LPXN: variants seen among roughly 807,000 people sequenced by gnomAD.
LPXN encodes the protein leupaxin.
In LPXN, 28 loss-of-function variants were observed where a neutral mutation model predicts 45.6. The ratio of observed to expected loss-of-function variants is 0.61; its 90% CI spans 0.45 to 0.84. The LOEUF is 0.84. Among genes scored for constraint, LPXN ranks in the 40% least tolerant of loss-of-function variants. The probability of loss-of-function intolerance (pLI) is 0.00; values close to 1 mark genes in which losing one functional copy is unlikely to be tolerated. For missense variants in LPXN, 459 were observed against 475.0 expected (o/e 0.97, Z 0.31); for synonymous variants, 166 against 169.9 (o/e 0.98, Z 0.18).
chr11:58,576,003 G>A (rs1854879383), upstream of LPXN: 3 of 1,343,436 alleles, frequency 2.2e-6, no homozygotes, highest in African/African-American at 1.5e-5. Context: ...AAGGTAGATA[G>A]TAAGATTTGC....
At chr11:58,549,929 T>C (rs752649194) in intron 6 of LPXN, 44 bp downstream of exon 6, 1 of 1,613,866 alleles carries the variant, frequency 6.2e-7, no homozygotes, top group Admixed American at 1.7e-5. Flanking sequence ...ACTCTGGTTC[T>C]AAGTGAGTGA....
chr11:58,577,955 G>A (rs1854955631), upstream of LPXN: 1 of 1,539,730 alleles, frequency 6.5e-7, no homozygotes, highest in Non-Finnish European at 8.8e-7. Flanking sequence ...GAGGGCCCAA[G>A]GACCCCATGG....
intron 1 of LPXN, among the ~76,000 whole-genome samples, chr11:58,574,702 C>T (rs1854825161): frequency 6.6e-6 from 1 of 152,090 alleles, no homozygotes; most frequent in East Asian, 1.9e-4. Context: ...AGAGTCTGGC[C>T]CAATATCAAA....
At chr11:58,528,298 G>T in intron 7 of LPXN, 107 bp from the exon 8 acceptor site, 1 of 1,007,710 alleles carries the variant, frequency 9.9e-7, no homozygotes. Context: ...ATTCAAAATA[G>T]GATGATTACT....
At chr11:58,575,414 G>C (rs557115821) in intron 1 of LPXN, among the ~76,000 whole-genome samples, 3 of 151,772 alleles carry the variant, frequency 2.0e-5, no homozygotes, top group Non-Finnish European at 2.9e-5. Context: ...GCATTGTCTC[G>C]CTATGTGGCC....
rs1230260914 is a variant in LPXN at position 58,570,607 on chromosome 11, A to T, written c.120T>A (p.Leu40=). Residue 40 remains leucine (L), a synonymous_variant, in exon 2 of 9, where the codon CTT becomes CTA. Coordinates refer to ENST00000395074, the MANE Select transcript of LPXN (RefSeq NM_004811.3). ...TAGAAAGGATCTCCGAAGTCTCATC[A>T]AGGTTAGTCTCCTTTCTGGAATGCT... ...LDQHSRKETN[L]DETSEILSIQ... 4.3e-6 allele frequency: 7 copies of T among 1,613,680 alleles called. No individual in the cohort carries two copies. In the South Asian group the frequency reaches 7.7e-5, roughly 18 times the overall value.
At chr11:58,542,297 A>T (rs1163123057) in intron 7 of LPXN, among the ~76,000 whole-genome samples, 1 of 152,068 alleles carries the variant, frequency 6.6e-6, no homozygotes, top group Non-Finnish European at 1.5e-5. Context: ...TAGTAGTTGA[A>T]TTTCTAATTT....
intron 2 of LPXN, among the ~76,000 whole-genome samples, chr11:58,569,067 T>C (rs2134348564): frequency 6.6e-6 from 1 of 152,338 alleles, no homozygotes; most frequent in Non-Finnish European, 1.5e-5. Flanking sequence ...GATAAATTCG[T>C]ATCGTTAAAA....
upstream of LPXN, among the ~76,000 whole-genome samples, chr11:58,576,318 C>T (rs1392958063): frequency 6.6e-6 from 1 of 152,052 alleles, no homozygotes; most frequent in African/African-American, 2.4e-5. Context: ...CTGCATGGAA[C>T]GTAAATCCTT....
chr11:58,531,473 C>T (rs1308453678), intron 7 of LPXN, among the ~76,000 whole-genome samples: 1 of 151,500 alleles, frequency 6.6e-6, no homozygotes, highest in Non-Finnish European at 1.5e-5. Flanking sequence ...TGAAGGTCAA[C>T]TTAATGAAAT....
At chr11:58,547,840 T>C (rs902703095) in intron 7 of LPXN, among the ~76,000 whole-genome samples, 1 of 152,208 alleles carries the variant, frequency 6.6e-6, no homozygotes, top group Non-Finnish European at 1.5e-5. Flanking sequence ...CACAAGCTTT[T>C]ATTTATGAGA....
rs140827783 is a variant in LPXN, at chr11:58,549,796, A to G, written c.732T>C (p.Phe244=). The G allele has an allele frequency of 7.1e-4, 1,139 of 1,614,142 alleles. 9 individuals are homozygous for G. The African/African-American group carries it at 0.013, about 19-fold the overall frequency. Residue 244 remains phenylalanine, a synonymous_variant, in exon 7 of 9, where the codon TTT becomes TTC. Coordinates refer to ENST00000395074, the MANE Select transcript of LPXN (RefSeq NM_004811.3). ...HFFCSHCGEV[F]GAEGFHEKDK... The stretch of plus-strand genomic sequence containing the variant: ...CAAGTCGGGTCATACCTTCTGCACC[A>G]AACACCTCTCCGCAGTGAGAGCAGA...
At chr11:58,554,192 A>C (rs140140547) in intron 4 of LPXN, 26 of 152,846 alleles carry the variant, frequency 1.7e-4, no homozygotes, top group African/African-American at 6.0e-4. Flanking sequence ...GGGCACCTGT[A>C]ATCCCAGCTA....
intron 3 of LPXN, 27 bp from the exon 4 acceptor site, chr11:58,554,967 A>G (rs996710734): frequency 9.0e-6 from 13 of 1,448,884 alleles, no homozygotes; most frequent in Non-Finnish European, 1.3e-5. Context: ...AAAAAGTCAT[A>G]TGAACAAATC....
chr11:58,534,227 G>C (rs1853481281), intron 7 of LPXN, among the ~76,000 whole-genome samples: 1 of 152,140 alleles, frequency 6.6e-6, no homozygotes, highest in South Asian at 2.1e-4. Flanking sequence ...ATACATTCTT[G>C]TCAGCACCAC....
chr11:58,563,155 C>T (rs1322573534), intron 3 of LPXN, among the ~76,000 whole-genome samples: 1 of 152,152 alleles, frequency 6.6e-6, no homozygotes, highest in Non-Finnish European at 1.5e-5. Flanking sequence ...ATTTAAGAAA[C>T]CAAATATTTA....
At chr11:58,571,642 G>A (rs1290798819) in intron 1 of LPXN, among the ~76,000 whole-genome samples, 2 of 147,908 alleles carry the variant, frequency 1.4e-5, no homozygotes, top group East Asian at 4.0e-4. Flanking sequence ...GTTGGGATTT[G>A]TTACTCTTTC....
In LPXN at chr11:58,559,235, A is replaced by G. The variant is rs150685706; in HGVS notation, c.219-4295T>C. ...TTTATATATATACACATACACATTT[A>G]TATATACCATAGGTGGTTATATAAA... On this transcript the variant is annotated intron_variant, in intron 3 of 8. Coordinates refer to ENST00000395074, the MANE Select transcript of LPXN (RefSeq NM_004811.3). 1.4e-3 allele frequency among the ~76,000 whole-genome samples: 207 copies of G among 152,240 alleles called. 1 individual carries two copies. Among genetic ancestry groups the G allele is most frequent in the African/African-American group, 4.9e-3 (202 of 41,570 alleles).
At chr11:58,533,586 A>G (rs998832874) in intron 7 of LPXN, among the ~76,000 whole-genome samples, 2 of 152,258 alleles carry the variant, frequency 1.3e-5, no homozygotes, top group African/African-American at 4.8e-5. Context: ...TGTAAAGACC[A>G]TAGATGCTAT....
Sources: gnomAD v4.1 joint callset for allele counts (sites outside exome capture counted in the v4.1 genomes callset) on GRCh38, gnomAD v4.1.1 for gene constraint, MANE v1.5 for transcripts, NCBI Gene and HGNC (gene_info 2026-07-23, HGNC 2026-07-21) for gene names.